SUPT3H: variants seen among roughly 807,000 people sequenced by gnomAD.
SUPT3H encodes the protein SPT3 homolog, SAGA and STAGA complex component.
Under a neutral mutation model 44.3 loss-of-function variants are expected in SUPT3H, and 44 were observed. The ratio of observed to expected loss-of-function variants is 0.99; its 90% CI spans 0.78 to 1.28. The LOEUF (loss-of-function observed/expected upper bound fraction) is 1.28. Among genes scored for constraint, SUPT3H ranks in the 50% most tolerant of loss-of-function variants. The probability of loss-of-function intolerance (pLI) is 0.00; values close to 1 mark genes in which losing one functional copy is unlikely to be tolerated. For missense variants in SUPT3H, 380 were observed against 387.1 expected (o/e 0.98, Z 0.15); for synonymous variants, 124 against 125.6 (o/e 0.99, Z 0.09).
At chr6:44,820,534 G>C (rs889692523) in intron 11 of SUPT3H, among the ~76,000 whole-genome samples, 12 of 152,194 alleles carry the variant, frequency 7.9e-5, no homozygotes, top group African/African-American at 2.9e-4. Flanking sequence ...CATGGGTATA[G>C]TGTTGCAAGA....
rs199804311 is a variant in SUPT3H, at chr6:44,867,402, CCTT to C, written c.913-37548_913-37546del. Reference sequence around the variant, plus strand: ...GTGATCCTCCCGCCTCGGCCTCCCACCTTTTTTAATAAAATTCATGTCACAATA... The same window carrying C: ...GTGATCCTCCCGCCTCGGCCTCCCACTTTTAATAAAATTCATGTCACAATA... On this transcript the variant is annotated intron_variant, in intron 10 of 10. Transcript: ENST00000371459. 6.5e-3 allele frequency among the ~76,000 whole-genome samples: 990 copies of C among 152,112 alleles called. 12 individuals are homozygous for C. Among genetic ancestry groups the C allele is most frequent in the African/African-American group, 0.023 (935 of 41,492 alleles).
chr6:45,161,673 C>T (rs995365407), intron 2 of SUPT3H, among the ~76,000 whole-genome samples: 3 of 152,142 alleles, frequency 2.0e-5, no homozygotes, highest in African/African-American at 7.2e-5. Flanking sequence ...AAGCTGCTGA[C>T]CACTCAACAC....
intron 10 of SUPT3H, among the ~76,000 whole-genome samples, chr6:44,847,450 T>C (rs1218935389): frequency 1.3e-5 from 2 of 152,276 alleles, no homozygotes; most frequent in South Asian, 2.1e-4. Context: ...ACTGGTTGAA[T>C]ACTAATTTTT....
intron 10 of SUPT3H, among the ~76,000 whole-genome samples, chr6:44,877,355 G>A (rs545773682): frequency 1.8e-4 from 28 of 151,766 alleles, no homozygotes; most frequent in Admixed American, 7.9e-4. Context: ...TGTAGTCCTA[G>A]CTACTTTGGA....
At chr6:45,134,046 A>G (rs946001891) in intron 2 of SUPT3H, among the ~76,000 whole-genome samples, 1 of 152,208 alleles carries the variant, frequency 6.6e-6, no homozygotes, top group Non-Finnish European at 1.5e-5. Context: ...TCATGTTACT[A>G]TAAAAGAATA....
chr6:45,155,905 C>T (rs966066467), intron 2 of SUPT3H, among the ~76,000 whole-genome samples: 18 of 151,902 alleles, frequency 1.2e-4, no homozygotes, highest in African/African-American at 4.4e-4. Context: ...GCCAATCTAC[C>T]CAAAAATGGG....
chr6:45,316,748 A>G (rs1175195601), intron 2 of SUPT3H, among the ~76,000 whole-genome samples: 1 of 152,230 alleles, frequency 6.6e-6, no homozygotes, highest in East Asian at 1.9e-4. Context: ...GAAAACTACA[A>G]AACACTGATG....
intron 2 of SUPT3H, among the ~76,000 whole-genome samples, chr6:45,157,571 T>C (rs1583893921): frequency 6.6e-6 from 1 of 151,828 alleles, no homozygotes; most frequent in African/African-American, 2.4e-5. Flanking sequence ...CTTTTTGAGA[T>C]GGAGTCTCAC....
chr6:44,905,365 G>GTA (rs1765834430), intron 10 of SUPT3H, among the ~76,000 whole-genome samples: 1 of 151,832 alleles, frequency 6.6e-6, no homozygotes, highest in East Asian at 1.9e-4. Flanking sequence ...CAAAGGATAC[G>GTA]AACAGACACT....
chr6:44,893,348 G>A (rs1056907938), intron 10 of SUPT3H, among the ~76,000 whole-genome samples: 3 of 152,106 alleles, frequency 2.0e-5, no homozygotes, highest in African/African-American at 7.2e-5. Flanking sequence ...TCTAGCATTA[G>A]CTATATCTCC....
rs570995640 is a variant in SUPT3H at position 44,900,451 on chromosome 6, G to A, written c.912+32202C>T. 2.6e-3 allele frequency among the ~76,000 whole-genome samples: 397 copies of A among 152,324 alleles called. 3 individuals are homozygous for A. Among genetic ancestry groups the A allele is most frequent in the African/African-American group, 8.6e-3 (358 of 41,574 alleles). ...TAGCACAGTAGTCTGAGATCAAACC[G>A]CAAGGCGGCAGCAAGGCTGGGGGAG... On this transcript the variant is annotated intron_variant, in intron 10 of 10. Coordinates refer to ENST00000371459, the MANE Select transcript of SUPT3H (RefSeq NM_003599.4).
intron 3 of SUPT3H, among the ~76,000 whole-genome samples, chr6:45,042,020 G>A (rs1488309355): frequency 1.3e-5 from 2 of 152,094 alleles, no homozygotes; most frequent in African/African-American, 4.8e-5. Flanking sequence ...AGTAAATAAA[G>A]TATCATTTTT....
chr6:45,048,157 T>C (rs1789700351), intron 3 of SUPT3H, among the ~76,000 whole-genome samples: 1 of 151,862 alleles, frequency 6.6e-6, no homozygotes, highest in Admixed American at 6.6e-5. Flanking sequence ...TTCTGAATAT[T>C]AATCCCTTAT....
chr6:45,180,559 C>T (rs1421792230), intron 2 of SUPT3H, among the ~76,000 whole-genome samples: 9 of 150,022 alleles, frequency 6.0e-5, no homozygotes, highest in East Asian at 3.9e-4. Context: ...TCAGAAATAA[C>T]ACCGCATATC....
intron 2 of SUPT3H, among the ~76,000 whole-genome samples, chr6:45,255,273 G>T (rs1276503253): frequency 6.6e-6 from 1 of 152,018 alleles, no homozygotes; most frequent in Admixed American, 6.6e-5. Context: ...CTATGATATT[G>T]TCTTCTTTCT....
chr6:45,150,349 A>ATG, intron 2 of SUPT3H, among the ~76,000 whole-genome samples: 1 of 152,296 alleles, frequency 6.6e-6, no homozygotes, highest in South Asian at 2.1e-4. Flanking sequence ...TCAGTCAAAC[A>ATG]TACATGGAAA....
intron 2 of SUPT3H, among the ~76,000 whole-genome samples, chr6:45,302,270 C>G (rs1696220143): frequency 6.6e-6 from 1 of 151,742 alleles, no homozygotes; most frequent in African/African-American, 2.4e-5. Flanking sequence ...CACCCTTTTC[C>G]CCAAGTCCCC....
intron 2 of SUPT3H, among the ~76,000 whole-genome samples, chr6:45,281,991 C>T (rs1378523137): frequency 6.6e-6 from 1 of 152,196 alleles, no homozygotes; most frequent in Non-Finnish European, 1.5e-5. Context: ...CTAGAGTGGA[C>T]ATCCAGCAAA....
At chr6:45,158,887 T>A (rs990767641) in intron 2 of SUPT3H, 13 of 152,162 alleles carry the variant, frequency 8.5e-5, no homozygotes, top group Non-Finnish European at 1.6e-4. Flanking sequence ...AGTGGGGCTA[T>A]CTCATCAGAA....
Sources: allele counts gnomAD v4.1 joint callset (sites outside exome capture counted in the v4.1 genomes callset), GRCh38; gene constraint gnomAD v4.1.1; transcripts MANE v1.5; gene names NCBI Gene and HGNC (gene_info 2026-07-23, HGNC 2026-07-21).